The following PCDHGB3 variants were observed in gnomAD, a reference collection of about 807,000 sequenced individuals.
PCDHGB3 encodes the protein protocadherin gamma subfamily B, 3.
In PCDHGB3, 40 loss-of-function variants were observed where a neutral mutation model predicts 59.2. The ratio of observed to expected loss-of-function variants is 0.68; its 90% confidence interval spans 0.52 to 0.88. PCDHGB3 has a LOEUF of 0.88. PCDHGB3 is among the 40% of genes least tolerant of loss of function. The pLI, the probability that PCDHGB3 is intolerant of heterozygous loss-of-function variation, is 0.00. For synonymous variants in PCDHGB3, 581 were observed against 503.6 expected (o/e 1.15, Z -2.06); for missense variants, 1,309 against 1,187.9 (o/e 1.10, Z -1.50).
intron 1 of PCDHGB3, chr5:141,404,463 A>C: frequency 6.2e-7 from 1 of 1,612,548 alleles, no homozygotes. Flanking sequence ...CTCTCCACCT[A>C]TGTCTCTATT....
Position 141,426,915 on chromosome 5 carries a change from G to A in PCDHGB3, c.2415+54106G>A, listed in dbSNP as rs143411146. On this transcript the variant is annotated intron_variant, in intron 1 of 3. Coordinates refer to ENST00000576222, the MANE Select transcript of PCDHGB3 (RefSeq NM_018924.5). ...ACAGAGCTCTCATCTCCTGGTCCTG[G>A]AAGCAATGGACATGGGTGACCCAGT... 1,737 of 456,738 alleles carry A rather than the reference G, an allele frequency of 3.8e-3. 17 individuals carry two copies. Among genetic ancestry groups the A allele is most frequent in the Admixed American group, 0.01 (426 of 42,586 alleles). The allele number at this position is 456,738 out of a possible 1,614,324, so 28.3% of individuals were successfully genotyped here.
Position 141,493,034 on chromosome 5 carries a change from G to A in PCDHGB3, c.2416-1773G>A, listed in dbSNP as rs75211372. 6.6e-6 allele frequency among the ~76,000 whole-genome samples: 1 copy of A among 152,230 alleles called. No homozygotes were observed. Among genetic ancestry groups the A allele is most frequent in the African/African-American group, 2.4e-5 (1 of 41,458 alleles). On this transcript the variant is annotated intron_variant, in intron 1 of 3. Transcript: ENST00000576222. This position sits in a 1 kb window ranked among gnomAD's most constrained non-coding sequence, Gnocchi z 4.3. ...GCCAGATGCCAGGGTGCCCTTATGTGTGAGGAAACTACAATAGTAAAAAAC... is the reference window on the plus strand; with the variant it reads ...GCCAGATGCCAGGGTGCCCTTATGTATGAGGAAACTACAATAGTAAAAAAC...
intron 2 of PCDHGB3, among the ~76,000 whole-genome samples, chr5:141,499,102 C>T (rs1172661012): frequency 1.3e-5 from 2 of 152,170 alleles, no homozygotes; most frequent in Admixed American, 6.5e-5. Context: ...TGCTTCTCCT[C>T]CCCACCACTA....
intron 1 of PCDHGB3, among the ~76,000 whole-genome samples, chr5:141,430,357 T>C (rs1258305414): frequency 1.3e-5 from 2 of 149,904 alleles, no homozygotes; most frequent in Non-Finnish European, 3.0e-5. Context: ...ATTTAAAAGC[T>C]CATTGGGGAA....
Position 141,383,803 on chromosome 5 carries a change from T to C in PCDHGB3, c.2415+10994T>C, listed in dbSNP as rs141242913. 756 of 1,613,958 alleles carry C rather than the reference T, an allele frequency of 4.7e-4. 3 individuals carry two copies. The highest frequency in any genetic ancestry group is 8.2e-4 in the Middle Eastern group (5 of 6,062). ...TCTGAACTCGCTTACAGGAGAAATA[T>C]CAACTTTAGAAGGATTAGATTATGA... On this transcript the variant is annotated intron_variant, in intron 1 of 3. Transcript: ENST00000576222.
chr5:141,441,923 C>A, intron 1 of PCDHGB3: 2 of 351,136 alleles, frequency 5.7e-6, no homozygotes, highest in Non-Finnish European at 5.5e-6. Context: ...AGACACAATG[C>A]GTGGCTGTCC....
intron 1 of PCDHGB3, among the ~76,000 whole-genome samples, chr5:141,463,128 A>G (rs914895217): frequency 1.5e-4 from 23 of 152,190 alleles, no homozygotes; most frequent in Admixed American, 1.4e-3. Context: ...GCTCCCTGGC[A>G]GTTCTTCGCC....
intron 1 of PCDHGB3, among the ~76,000 whole-genome samples, chr5:141,447,993 T>A (rs2098557542): frequency 6.6e-6 from 1 of 151,554 alleles, no homozygotes; most frequent in Non-Finnish European, 1.5e-5. Context: ...GGCTGAGGCA[T>A]GAGAATCGCT....
rs199519740 is a variant in PCDHGB3 at position 141,394,287 on chromosome 5, A to C, written c.2415+21478A>C. On this transcript the variant is annotated intron_variant, in intron 1 of 3. Transcript: ENST00000576222. ...GAATGCCCAGGTCACTTACTCTGTG[A>C]CCGAGGACACGCTGCAGGGGGCGCC... 122 of 1,613,772 alleles carry C rather than the reference A, an allele frequency of 7.6e-5. No individual in the cohort carries two copies. Among genetic ancestry groups the C allele is most frequent in the Non-Finnish European group, 9.6e-5 (113 of 1,179,878 alleles).
intron 1 of PCDHGB3, chr5:141,409,634 G>GGA (rs766487639): frequency 1.2e-6 from 2 of 1,613,720 alleles, no homozygotes; most frequent in African/African-American, 2.7e-5. Flanking sequence ...GAGCGCCTCT[G>GGA]ACCCGGATTT....
At chr5:141,494,455 G>A (rs906714175) in intron 1 of PCDHGB3, among the ~76,000 whole-genome samples, 2 of 152,156 alleles carry the variant, frequency 1.3e-5, no homozygotes, top group African/African-American at 4.8e-5. Flanking sequence ...AGGGGGCTTT[G>A]TCTGCACCTC....
intron 1 of PCDHGB3, chr5:141,384,793 C>T (rs1780512284): frequency 1.9e-6 from 3 of 1,613,400 alleles, no homozygotes; most frequent in Non-Finnish European, 2.5e-6. Flanking sequence ...GGCTCGGGCC[C>T]TGCTGGACAG....
chr5:141,439,364 G>A (rs1561894836), intron 1 of PCDHGB3, among the ~76,000 whole-genome samples: 2 of 152,142 alleles, frequency 1.3e-5, no homozygotes, highest in Admixed American at 1.3e-4. Context: ...CAAACATCAA[G>A]AAGAAATAAA....
At chr5:141,469,126 A>T (rs2099191838) in intron 1 of PCDHGB3, among the ~76,000 whole-genome samples, 1 of 151,470 alleles carries the variant, frequency 6.6e-6, no homozygotes, top group African/African-American at 2.4e-5. Context: ...AAATTTAAAA[A>T]TTAGCCAGAA....
Position 141,394,580 on chromosome 5 carries a change from C to T in PCDHGB3, c.2415+21771C>T, listed in dbSNP as rs779590383. ...CCGCAGAGCGTGGCTACCTGGTGAC[C>T]AAGGTGGTGGCGGTGGACAGAGACT... On this transcript the variant is annotated intron_variant, in intron 1 of 3. Transcript: ENST00000576222. The T allele has an allele frequency of 1.5e-5, 24 of 1,613,914 alleles. No individual in the cohort carries two copies. The South Asian group carries it at 2.6e-4, about 18-fold the overall frequency.
chr5:141,440,931 C>G (rs2098213287), intron 1 of PCDHGB3: 1 of 152,186 alleles, frequency 6.6e-6, no homozygotes, highest in Non-Finnish European at 1.5e-5. Context: ...GTGAGGGCCA[C>G]CAACCAGGAC....
In PCDHGB3 at chr5:141,431,279, C is replaced by G. The variant is rs1163372308; in HGVS notation, c.2415+58470C>G. Reference sequence around the variant, plus strand: ...CTCTCTGCAGAGCTACGAGCTCAGCCCGAACACTCACTTCTCCCTCATCGT... The same window carrying G: ...CTCTCTGCAGAGCTACGAGCTCAGCGCGAACACTCACTTCTCCCTCATCGT... On this transcript the variant is annotated intron_variant, in intron 1 of 3. Coordinates refer to ENST00000576222, the MANE Select transcript of PCDHGB3 (RefSeq NM_018924.5). This position sits in a 1 kb window ranked among gnomAD's most constrained non-coding sequence, Gnocchi z 4.8. 1 of 1,614,028 alleles carries G rather than the reference C, an allele frequency of 6.2e-7. No individual in the cohort carries two copies. Among genetic ancestry groups the G allele is most frequent in the African/African-American group, 1.3e-5 (1 of 74,926 alleles).
intron 2 of PCDHGB3, among the ~76,000 whole-genome samples, chr5:141,501,876 C>T (rs1463329895): frequency 6.6e-6 from 1 of 152,118 alleles, no homozygotes; most frequent in East Asian, 1.9e-4. Context: ...CGCCTCCTTA[C>T]ACTCCTGATC....
chr5:141,451,860 C>T, intron 1 of PCDHGB3, among the ~76,000 whole-genome samples: 1 of 151,832 alleles, frequency 6.6e-6, no homozygotes, highest in Non-Finnish European at 1.5e-5. Flanking sequence ...CAGCCTAGGC[C>T]ACAGAATGAA....
Sources: gnomAD v4.1 joint callset for allele counts (sites outside exome capture counted in the v4.1 genomes callset) on GRCh38, gnomAD v4.1.1 for gene constraint, Gnocchi (gnomAD v3.1) non-coding constraint, MANE v1.5 for transcripts, NCBI Gene and HGNC (gene_info 2026-07-23, HGNC 2026-07-21) for gene names.